Variants in DLC1 observed in about 807,000 individuals in gnomAD.
The protein encoded by DLC1 is DLC1 Rho GTPase activating protein.
A neutral mutation model predicts 140.3 loss-of-function variants in DLC1; 54 were observed. The observed-to-expected ratio is 0.38, with a 90% CI of 0.31 to 0.48. The LOEUF (loss-of-function observed/expected upper bound fraction) is 0.48. Among genes scored for constraint, DLC1 ranks in the 20% least tolerant of loss-of-function variants. The pLI is 0.96. For missense variants in DLC1, 2,536 were observed against 1,907.0 expected (o/e 1.33, Z -6.14); for synonymous variants, 986 against 728.1 (o/e 1.35, Z -5.70).
In DLC1 at chr8:13,088,507, A is replaced by C; in HGVS notation, c.4272T>G (p.Ala1424=). The part of the protein sequence containing the change: ...YVQNSMAPHP[A]RDYVVLRTWR... ...CTCACCTTAAAACAACGTAGTCTCG[A>C]GCAGGATGAGGTGCCATACTGTTTT... Residue 1424 remains alanine (A), a synonymous_variant, in exon 16 of 18, where the codon GCT becomes GCG. Transcript: ENST00000276297. 1 of 1,614,230 alleles carries C rather than the reference A, an allele frequency of 6.2e-7. No homozygotes were observed. Among genetic ancestry groups the C allele is most frequent in the South Asian group, 1.1e-5 (1 of 91,088 alleles).
chr8:13,199,008 T>G (rs1827224912), intron 5 of DLC1, among the ~76,000 whole-genome samples: 1 of 152,010 alleles, frequency 6.6e-6, no homozygotes, highest in Non-Finnish European at 1.5e-5. Context: ...TGAGCCACCG[T>G]GTCCGGCCTA....
rs568604525 is a variant in DLC1 at position 13,298,880 on chromosome 8, T to G, written c.1348+6389A>C. Among the ~76,000 whole-genome samples, 9 of 152,356 alleles carry G rather than the reference T, an allele frequency of 5.9e-5. No homozygotes were observed. The South Asian group carries it at 8.3e-4, about 14-fold the overall frequency. On this transcript the variant is annotated intron_variant, in intron 5 of 17. Transcript: ENST00000276297. ...GAATAAAAAAAAAGTTGAAACTATTTTTTTAAGCCATTTTTGGCTAATGAT... is the reference window on the plus strand; with the variant it reads ...GAATAAAAAAAAAGTTGAAACTATTGTTTTAAGCCATTTTTGGCTAATGAT...
At chr8:13,430,475 A>G (rs894349232) in intron 2 of DLC1, among the ~76,000 whole-genome samples, 1 of 152,208 alleles carries the variant, frequency 6.6e-6, no homozygotes, top group Non-Finnish European at 1.5e-5. Flanking sequence ...ATGATTACAT[A>G]TTAGAGTCCA....
At chr8:13,133,082 C>T (rs1822258783) in intron 5 of DLC1, 1 of 1,531,046 alleles carries the variant, frequency 6.5e-7, no homozygotes, top group Admixed American at 2.0e-5. Flanking sequence ...GAGACGCGCG[C>T]CCTCGCGGTC....
chr8:13,351,512 A>G (rs541508055), intron 4 of DLC1, among the ~76,000 whole-genome samples: 254 of 151,746 alleles, frequency 1.7e-3, no homozygotes, highest in African/African-American at 5.9e-3. Flanking sequence ...GGATGTTTGG[A>G]AAAAAAAAGT....
chr8:13,420,399 TA>T (rs1159185777), intron 2 of DLC1, among the ~76,000 whole-genome samples: 1 of 152,162 alleles, frequency 6.6e-6, no homozygotes, highest in African/African-American at 2.4e-5. Context: ...AATAACTGAC[TA>T]TTTTTTTTAA....
chr8:13,313,091 G>T (rs1183882101), intron 4 of DLC1, among the ~76,000 whole-genome samples: 2 of 152,070 alleles, frequency 1.3e-5, no homozygotes, highest in African/African-American at 4.8e-5. Flanking sequence ...GATTTCCTGG[G>T]CATTACTAAG....
At chr8:13,410,949 T>A (rs557110478) in intron 2 of DLC1, among the ~76,000 whole-genome samples, 1 of 152,310 alleles carries the variant, frequency 6.6e-6, no homozygotes, top group Admixed American at 6.5e-5. Context: ...GGAGCCTAAA[T>A]GAAACCCTCA....
intron 5 of DLC1, among the ~76,000 whole-genome samples, chr8:13,148,695 A>T (rs1823603567): frequency 6.6e-6 from 1 of 152,088 alleles, no homozygotes; most frequent in Non-Finnish European, 1.5e-5. Flanking sequence ...CTAAAAGCCT[A>T]ACCTAAAGTT....
At chr8:13,334,387 G>C (rs1833733667) in intron 4 of DLC1, among the ~76,000 whole-genome samples, 1 of 152,126 alleles carries the variant, frequency 6.6e-6, no homozygotes, top group African/African-American at 2.4e-5. Flanking sequence ...CCCCCCTGGA[G>C]GAGTTTTATG....
At chr8:13,188,809 A>ATATATATATATATG (rs1488614276) in intron 5 of DLC1, among the ~76,000 whole-genome samples, 2 of 37,894 alleles carry the variant, frequency 5.3e-5, no homozygotes, top group Non-Finnish European at 9.4e-5. Flanking sequence ...GTGTATATAT[A>ATATATATATATATG]TATATATATA....
chr8:13,575,092 A>G (rs1026988616), intron 1 of DLC1, among the ~76,000 whole-genome samples: 1 of 152,234 alleles, frequency 6.6e-6, no homozygotes, highest in Non-Finnish European at 1.5e-5. Context: ...ACCCTTTGGA[A>G]TAGAGAATTC....
intron 1 of DLC1, among the ~76,000 whole-genome samples, chr8:13,508,649 A>T (rs569347959): frequency 1.3e-5 from 2 of 152,090 alleles, no homozygotes; most frequent in Admixed American, 1.3e-4. Context: ...TGATCTCCTG[A>T]CCTCGTGATC....
At chr8:13,540,732 AAC>A (rs1803455053) in intron 1 of DLC1, among the ~76,000 whole-genome samples, 1 of 152,194 alleles carries the variant, frequency 6.6e-6, no homozygotes, top group Non-Finnish European at 1.5e-5. Context: ...GAAAAACCCC[AAC>A]CAGTTGGTCA....
intron 1 of DLC1, among the ~76,000 whole-genome samples, chr8:13,509,351 C>G (rs1387049548): frequency 6.6e-6 from 1 of 152,158 alleles, no homozygotes; most frequent in South Asian, 2.1e-4. Flanking sequence ...AAATCAGGAA[C>G]AAGATGTCAT....
chr8:13,327,156 G>C (rs1343768462), intron 4 of DLC1, among the ~76,000 whole-genome samples: 6 of 54,008 alleles, frequency 1.1e-4, no homozygotes, highest in African/African-American at 3.6e-4. Flanking sequence ...TGTATTTTTA[G>C]CAGAGACGGG....
intron 1 of DLC1, among the ~76,000 whole-genome samples, chr8:13,564,082 T>C (rs1284368991): frequency 6.6e-6 from 1 of 152,160 alleles, no homozygotes; most frequent in Non-Finnish European, 1.5e-5. Flanking sequence ...TTTTTAAAAA[T>C]CTGCAGTAAA....
chr8:13,541,240 A>G (rs1803474680), intron 1 of DLC1, among the ~76,000 whole-genome samples: 1 of 151,614 alleles, frequency 6.6e-6, no homozygotes, highest in Admixed American at 6.6e-5. Flanking sequence ...TTTGGTTATA[A>G]CAAATAAAGC....
chr8:13,134,925 C>G (rs1410266755), intron 5 of DLC1, among the ~76,000 whole-genome samples: 2 of 152,180 alleles, frequency 1.3e-5, no homozygotes, highest in Admixed American at 6.5e-5. Flanking sequence ...CTACTGGTAA[C>G]TGCTGAGGGT....
Sources: gnomAD v4.1 joint callset for allele counts (sites outside exome capture counted in the v4.1 genomes callset) on GRCh38, gnomAD v4.1.1 for gene constraint, MANE v1.5 for transcripts, NCBI Gene and HGNC (gene_info 2026-07-23, HGNC 2026-07-21) for gene names.